METTL15: variants seen among roughly 807,000 people sequenced by gnomAD.
The protein encoded by METTL15 is 12S rRNA N(4)-cytidine methyltransferase METTL15.
In METTL15, 34 loss-of-function variants were observed where a neutral mutation model predicts 38.3. The ratio of observed to expected loss-of-function variants is 0.89; its 90% CI spans 0.68 to 1.18. The LOEUF is 1.18. Ranked by LOEUF, METTL15 falls within the 50% of genes most tolerant of loss-of-function variation. The pLI is 0.00. For missense variants in METTL15, 438 were observed against 498.4 expected, an observed-to-expected ratio of 0.88 and a Z score of 1.15; for synonymous variants, 162 against 170.9, an observed-to-expected ratio of 0.95 and a Z score of 0.41.
chr11:28,291,877 T>A (rs1218584871), intron 5 of METTL15, among the ~76,000 whole-genome samples: 1 of 152,066 alleles, frequency 6.6e-6, no homozygotes, highest in East Asian at 1.9e-4. Context: ...TCAGGGTCCC[T>A]GTGGTTTTCC....
chr11:28,367,410 T>C (rs1037736699), intron 5 of METTL15, among the ~76,000 whole-genome samples: 1 of 152,128 alleles, frequency 6.6e-6, no homozygotes, highest in African/African-American at 2.4e-5. Context: ...GCCAGGCTGA[T>C]TGGTCAATAT....
At chr11:28,217,933 C>G (rs1322534037) in intron 4 of METTL15, among the ~76,000 whole-genome samples, 1 of 152,108 alleles carries the variant, frequency 6.6e-6, no homozygotes, top group Non-Finnish European at 1.5e-5. Context: ...TGTTTTGGTA[C>G]CAGTACCATG....
intron 5 of METTL15, among the ~76,000 whole-genome samples, chr11:28,291,050 CTTT>C (rs1313497959): frequency 3.7e-5 from 5 of 133,636 alleles, no homozygotes; most frequent in Admixed American, 2.3e-4. Flanking sequence ...TAATTCTTTT[CTTT>C]TTTTTTTTTT....
chr11:28,146,720 T>C (rs953918796), intron 3 of METTL15, among the ~76,000 whole-genome samples: 1 of 151,926 alleles, frequency 6.6e-6, no homozygotes, highest in Admixed American at 6.6e-5. Context: ...AACTAGTTCA[T>C]AAGTAATAGC....
intron 4 of METTL15, among the ~76,000 whole-genome samples, chr11:28,238,400 C>T (rs1356293684): frequency 6.6e-6 from 1 of 152,198 alleles, no homozygotes; most frequent in Non-Finnish European, 1.5e-5. Context: ...GGGCTTAGGA[C>T]CCTCTGAGCC....
intron 5 of METTL15, among the ~76,000 whole-genome samples, chr11:28,413,672 C>G (rs1207315964): frequency 6.6e-6 from 1 of 152,124 alleles, no homozygotes; most frequent in Non-Finnish European, 1.5e-5. Context: ...GGCAATGTCT[C>G]TTAGCTATTC....
At chr11:28,351,593 A>C (rs1387698840) in intron 3 of METTL15, among the ~76,000 whole-genome samples, 2 of 152,218 alleles carry the variant, frequency 1.3e-5, no homozygotes, top group East Asian at 3.8e-4. Flanking sequence ...TATCCAAGTG[A>C]AAGGTTGTAT....
At chr11:28,131,383 T>G (rs1327643574) in intron 3 of METTL15, among the ~76,000 whole-genome samples, 1 of 152,174 alleles carries the variant, frequency 6.6e-6, no homozygotes. Context: ...GGTAGCCTGG[T>G]TATGTTAACA....
chr11:28,298,460 G>A (rs920958138), intron 6 of METTL15, among the ~76,000 whole-genome samples: 2 of 152,052 alleles, frequency 1.3e-5, no homozygotes, highest in Admixed American at 1.3e-4. Flanking sequence ...AGGGTCAATA[G>A]CTTGCAATAG....
At chr11:28,338,746 A>G (rs1006351619) in intron 3 of METTL15, among the ~76,000 whole-genome samples, 2 of 152,168 alleles carry the variant, frequency 1.3e-5, no homozygotes, top group African/African-American at 4.8e-5. Context: ...TTAAACCAGC[A>G]AGAATCAAGG....
At position 28,489,742 on chromosome 11, in the gene METTL15, G is replaced by A. The variant is rs1391849064; in HGVS notation, c.*425-36736G>A. On this transcript the variant is annotated intron_variant and NMD_transcript_variant, in intron 6 of 7. Transcript: ENST00000532947. ...TGAACATGTTATTTCACCTCTCTAA[G>A]CCTCAGGTTCGTCAGCTATATTGTG... 2.0e-5 allele frequency among the ~76,000 whole-genome samples: 3 copies of A among 152,044 alleles called. No individual in the cohort carries two copies. The East Asian group carries it at 5.8e-4, about 29-fold the overall frequency.
At chr11:28,317,062 TTTC>T (rs1857505156) in intron 6 of METTL15, among the ~76,000 whole-genome samples, 1 of 152,210 alleles carries the variant, frequency 6.6e-6, no homozygotes, top group Non-Finnish European at 1.5e-5. Context: ...CTGGGCCATG[TTTC>T]TTATTTCATT....
chr11:28,134,558 C>T (rs775401008), intron 3 of METTL15: 77 of 398,384 alleles, frequency 1.9e-4, no homozygotes, highest in African/African-American at 1.0e-3. Context: ...ACTGCTGTTG[C>T]GAAAAAGTGG....
chr11:28,277,565 G>GCA (rs1342331976), intron 4 of METTL15, among the ~76,000 whole-genome samples: 1 of 152,042 alleles, frequency 6.6e-6, no homozygotes. Context: ...GGGCACGGTA[G>GCA]CACACACCTG....
At chr11:28,184,459 G>A (rs1447868749) in intron 3 of METTL15, among the ~76,000 whole-genome samples, 2 of 151,796 alleles carry the variant, frequency 1.3e-5, no homozygotes, top group South Asian at 2.1e-4. Context: ...GGTACGTTGT[G>A]TTTTCGTTCT....
intron 6 of METTL15, among the ~76,000 whole-genome samples, chr11:28,321,962 G>A (rs1303960298): frequency 1.3e-5 from 2 of 151,774 alleles, no homozygotes; most frequent in Non-Finnish European, 2.9e-5. Flanking sequence ...CGAAAAGAAT[G>A]TACTGTTTAA....
At chr11:28,253,665 C>T (rs12575098) in intron 4 of METTL15, among the ~76,000 whole-genome samples, 1 of 129,830 alleles carries the variant, frequency 7.7e-6, no homozygotes, top group Non-Finnish European at 1.6e-5. Flanking sequence ...TCTCTGGTAA[C>T]CATCCTTCTA....
chr11:28,395,178 G>C (rs1479097445), intron 5 of METTL15, among the ~76,000 whole-genome samples: 2 of 152,026 alleles, frequency 1.3e-5, no homozygotes, highest in African/African-American at 4.8e-5. Flanking sequence ...TCTGCTTTCA[G>C]AATTTGGGGA....
intron 4 of METTL15, among the ~76,000 whole-genome samples, chr11:28,238,448 A>G (rs1477265104): frequency 6.6e-6 from 1 of 152,166 alleles, no homozygotes; most frequent in African/African-American, 2.4e-5. Context: ...CCGTTTCCTA[A>G]GCCCGTCGGA....
Sources: allele counts gnomAD v4.1 joint callset (sites outside exome capture counted in the v4.1 genomes callset), GRCh38; gene constraint gnomAD v4.1.1; transcripts MANE v1.5; gene names NCBI Gene and HGNC (gene_info 2026-07-23, HGNC 2026-07-21).